The following SIK3 variants were observed in gnomAD, a reference collection of about 807,000 sequenced individuals.
SIK3 encodes the protein serine/threonine-protein kinase SIK3.
Under a neutral mutation model 144.2 loss-of-function variants are expected in SIK3, and 28 were observed. That is an observed-to-expected ratio of 0.19 (90% confidence interval 0.14 to 0.27). The LOEUF (loss-of-function observed/expected upper bound fraction) is 0.27. Ranked by LOEUF, SIK3 falls within the 10% of genes least tolerant of loss-of-function variation. SIK3 has a pLI of 1.00. For synonymous variants in SIK3, 686 were observed against 676.3 expected (o/e 1.01, Z -0.22); for missense variants, 1,319 against 1,776.0 (o/e 0.74, Z 4.62).
chr11:116,894,769 G>C (rs1180751770), intron 6 of SIK3, among the ~76,000 whole-genome samples: 5 of 152,174 alleles, frequency 3.3e-5, no homozygotes, highest in Non-Finnish European at 7.3e-5. Flanking sequence ...ATGGTAGGTA[G>C]CATCTCTTGA....
At chr11:117,020,577 T>C (rs915639413) in intron 1 of SIK3, among the ~76,000 whole-genome samples, 1 of 152,034 alleles carries the variant, frequency 6.6e-6, no homozygotes, top group East Asian at 1.9e-4. Context: ...GGGCTGAAGG[T>C]TGCACTGATA....
chr11:117,066,067 TTTC>T (rs1953998746), intron 1 of SIK3, among the ~76,000 whole-genome samples: 1 of 147,504 alleles, frequency 6.8e-6, no homozygotes, highest in Admixed American at 6.9e-5. Flanking sequence ...TTTCTTTTCT[TTTC>T]TTCTTTTTTT....
At chr11:116,864,743 C>T (rs1565380089) in intron 15 of SIK3, 1 of 152,198 alleles carries the variant, frequency 6.6e-6, no homozygotes, top group Non-Finnish European at 1.5e-5. Flanking sequence ...GTTTCATGTC[C>T]AGGGCAGAGA....
intron 1 of SIK3, chr11:117,035,958 A>G: frequency 6.3e-7 from 1 of 1,583,492 alleles, no homozygotes; most frequent in Admixed American, 1.7e-5. Context: ...ACATCCATGA[A>G]GCAGGAATTG....
chr11:117,016,570 T>C (rs1018471275), intron 1 of SIK3, among the ~76,000 whole-genome samples: 5 of 152,262 alleles, frequency 3.3e-5, no homozygotes, highest in South Asian at 2.1e-4. Context: ...TCCCAGCTAA[T>C]TGGGAGGCTG....
At chr11:116,865,127 A>G (rs1434035122) in intron 15 of SIK3, 3 of 151,280 alleles carry the variant, frequency 2.0e-5, no homozygotes, top group African/African-American at 4.8e-5. Flanking sequence ...GCATTTCCTT[A>G]TAACTTGTCA....
chr11:117,051,644 C>G (rs536527505), intron 1 of SIK3, among the ~76,000 whole-genome samples: 119 of 152,068 alleles, frequency 7.8e-4, no homozygotes, highest in Middle Eastern at 3.4e-3. Context: ...TTGTCTGCCT[C>G]AGCCTTCCAA....
At chr11:116,943,725 C>T (rs1948434341) in intron 3 of SIK3, among the ~76,000 whole-genome samples, 1 of 152,094 alleles carries the variant, frequency 6.6e-6, no homozygotes, top group South Asian at 2.1e-4. Context: ...TGACCTAGAA[C>T]TCTACCAATG....
intron 1 of SIK3, among the ~76,000 whole-genome samples, chr11:117,043,762 C>T (rs1286313360): frequency 6.6e-6 from 1 of 152,192 alleles, no homozygotes; most frequent in Non-Finnish European, 1.5e-5. Context: ...TGGTTCTGAA[C>T]CTCAGTTACA....
intron 1 of SIK3, among the ~76,000 whole-genome samples, chr11:116,997,303 G>C (rs1950702354): frequency 6.6e-6 from 1 of 152,172 alleles, no homozygotes; most frequent in South Asian, 2.1e-4. Flanking sequence ...CTAACAGGTG[G>C]GCAGTCAGTC....
intron 1 of SIK3, among the ~76,000 whole-genome samples, chr11:117,055,804 C>T (rs954806392): frequency 1.3e-5 from 2 of 152,164 alleles, no homozygotes; most frequent in Non-Finnish European, 2.9e-5. Flanking sequence ...CAATTAGGTG[C>T]CCTTAAAAAT....
At chr11:117,001,461 G>A (rs1032772591) in intron 1 of SIK3, among the ~76,000 whole-genome samples, 7 of 151,138 alleles carry the variant, frequency 4.6e-5, no homozygotes, top group South Asian at 2.1e-4. Context: ...AGCTGAGATC[G>A]CCCCACTGCA....
intron 1 of SIK3, among the ~76,000 whole-genome samples, chr11:116,985,319 T>G (rs993035515): frequency 1.3e-5 from 2 of 152,160 alleles, no homozygotes; most frequent in Non-Finnish European, 2.9e-5. Flanking sequence ...GGCTGTGGGT[T>G]TGTCAAAAAA....
At chr11:117,079,741 G>GAA (rs200010506) in intron 1 of SIK3, among the ~76,000 whole-genome samples, 41 of 145,036 alleles carry the variant, frequency 2.8e-4, no homozygotes, top group Admixed American at 6.9e-5. Context: ...GCCATAAAGA[G>GAA]AAAAAAAAAC....
chr11:117,069,146 C>T (rs1257970761), intron 1 of SIK3, among the ~76,000 whole-genome samples: 1 of 129,228 alleles, frequency 7.7e-6, no homozygotes, highest in Non-Finnish European at 1.5e-5. Context: ...GTAGGCTTGA[C>T]AATTCTGCCA....
At position 117,011,519 on chromosome 11, in the gene SIK3, A is replaced by T. The variant is rs192758922; in HGVS notation, c.274-54455T>A. Among the ~76,000 whole-genome samples the T allele has an allele frequency of 1.8e-3, 277 of 150,142 alleles. 2 individuals carry two copies. In the East Asian group the frequency reaches 0.021, roughly 11 times the overall value. On this transcript the variant is annotated intron_variant, in intron 1 of 24. Coordinates refer to ENST00000445177, the MANE Select transcript of SIK3 (RefSeq NM_001366686.3). ...TATTTTCTACAGAAATTAAACGGAA[A>T]TTTTTTTTTTTACCCCGAACCAGAA...
chr11:116,956,055 G>A (rs964488641), intron 2 of SIK3, among the ~76,000 whole-genome samples: 1 of 152,158 alleles, frequency 6.6e-6, no homozygotes, highest in African/African-American at 2.4e-5. Flanking sequence ...CCAAGTGGGT[G>A]GCCACGTCCT....
At position 116,849,959 on chromosome 11, in the gene SIK3, A is replaced by G. The variant is rs1175343199; in HGVS notation, c.3656-676T>C. On this transcript the variant is annotated intron_variant, in intron 21 of 24. Transcript: ENST00000445177. This position sits in a 1 kb window ranked among gnomAD's most constrained non-coding sequence, Gnocchi z 4.2. ...TTCCCTGGATATCTAACCAGCATGTAACACTTACCATGTCCAATTCCAAAC... is the reference window on the plus strand; with the variant it reads ...TTCCCTGGATATCTAACCAGCATGTGACACTTACCATGTCCAATTCCAAAC... Among the ~76,000 whole-genome samples the G allele has an allele frequency of 6.6e-6, 1 of 152,152 alleles. No homozygotes were observed. The highest frequency in any genetic ancestry group is 1.5e-5 in the Non-Finnish European group (1 of 68,020).
chr11:117,043,935 G>GC (rs1952850086), intron 1 of SIK3, among the ~76,000 whole-genome samples: 2 of 152,170 alleles, frequency 1.3e-5, no homozygotes, highest in Non-Finnish European at 2.9e-5. Context: ...GAAGGCTACT[G>GC]CCCCAGTATA....
Sources: allele counts gnomAD v4.1 joint callset (sites outside exome capture counted in the v4.1 genomes callset), GRCh38; gene constraint gnomAD v4.1.1; non-coding constraint Gnocchi (gnomAD v3.1); transcripts MANE v1.5; gene names NCBI Gene and HGNC (gene_info 2026-07-23, HGNC 2026-07-21).